Variants in SPATA17 observed in about 807,000 individuals in gnomAD.
SPATA17 encodes the protein spermatogenesis-associated protein 17.
SPATA17 carries 53 observed loss-of-function variants against 62.2 expected under a neutral mutation model. The ratio of observed to expected loss-of-function variants is 0.85; its 90% CI spans 0.68 to 1.07. SPATA17 has a LOEUF of 1.07. SPATA17 is among the 50% of genes least tolerant of loss of function. The pLI, the probability that SPATA17 is intolerant of heterozygous loss-of-function variation, is 0.00. For missense variants in SPATA17, 466 were observed against 425.5 expected, an observed-to-expected ratio of 1.10 and a Z score of -0.84; for synonymous variants, 146 against 146.8, an observed-to-expected ratio of 0.99 and a Z score of 0.04.
chr1:217,757,169 T>C (rs1465798741), intron 6 of SPATA17, among the ~76,000 whole-genome samples: 3 of 152,190 alleles, frequency 2.0e-5, no homozygotes, highest in African/African-American at 7.2e-5. Context: ...TTGGCTAAGA[T>C]GGGAAAGACA....
intron 9 of SPATA17, among the ~76,000 whole-genome samples, chr1:217,850,965 C>A (rs1055330313): frequency 6.6e-6 from 1 of 152,036 alleles, no homozygotes; most frequent in Non-Finnish European, 1.5e-5. Flanking sequence ...ATTTAATTTA[C>A]GTCTGAAGAG....
chr1:217,824,105 C>T (rs1674931676), intron 9 of SPATA17, among the ~76,000 whole-genome samples: 1 of 151,884 alleles, frequency 6.6e-6, no homozygotes, highest in Non-Finnish European at 1.5e-5. Flanking sequence ...GAATTTAATC[C>T]ATTTACAGTC....
At chr1:217,818,258 C>T (rs1674771346) in intron 9 of SPATA17, among the ~76,000 whole-genome samples, 1 of 151,908 alleles carries the variant, frequency 6.6e-6, no homozygotes, top group Non-Finnish European at 1.5e-5. Context: ...AGTTACCATC[C>T]TTGGACATCA....
chr1:217,844,555 T>C (rs1675482826), intron 9 of SPATA17, among the ~76,000 whole-genome samples: 1 of 152,118 alleles, frequency 6.6e-6, no homozygotes, highest in Non-Finnish European at 1.5e-5. Context: ...ACATCTTCAA[T>C]CATGATACAG....
intron 6 of SPATA17, among the ~76,000 whole-genome samples, chr1:217,768,156 A>C (rs1673349003): frequency 6.6e-6 from 1 of 152,110 alleles, no homozygotes; most frequent in Admixed American, 6.5e-5. Flanking sequence ...GAGGCAGGGT[A>C]ATCACTTGAA....
chr1:217,768,388 A>C (rs1480405300), intron 6 of SPATA17, among the ~76,000 whole-genome samples: 1 of 152,084 alleles, frequency 6.6e-6, no homozygotes, highest in Non-Finnish European at 1.5e-5. Context: ...GGCCAACTTC[A>C]TGTTTCTTTA....
intron 9 of SPATA17, among the ~76,000 whole-genome samples, chr1:217,848,926 G>T (rs569221559): frequency 6.6e-6 from 1 of 152,038 alleles, no homozygotes; most frequent in African/African-American, 2.4e-5. Flanking sequence ...TTGGTATTAA[G>T]TTCCAGTTTT....
chr1:217,646,362 T>C (rs1399195159), intron 1 of SPATA17, among the ~76,000 whole-genome samples: 1 of 152,206 alleles, frequency 6.6e-6, no homozygotes, highest in African/African-American at 2.4e-5. Flanking sequence ...ACACTTGGTA[T>C]AGTCTGAAAT....
At position 217,650,048 on chromosome 1, in the gene SPATA17, T is replaced by C. The variant is rs569832386; in HGVS notation, c.159-1049T>C. Among the ~76,000 whole-genome samples, 43 of 150,854 alleles carry C rather than the reference T, an allele frequency of 2.9e-4. 1 individual carries two copies. Among genetic ancestry groups the C allele is most frequent in the African/African-American group, 8.7e-4 (36 of 41,178 alleles). On this transcript the variant is annotated intron_variant, in intron 2 of 10. Transcript: ENST00000366933. Reference sequence around the variant, plus strand: ...TCCGCCTCCCAGATTCAAGCGATTCTCCTGCCTCAGCCTCTCGGGTAGCTG... The same window carrying C: ...TCCGCCTCCCAGATTCAAGCGATTCCCCTGCCTCAGCCTCTCGGGTAGCTG...
chr1:217,675,017 C>T (rs111526501), intron 4 of SPATA17, among the ~76,000 whole-genome samples: 13 of 152,276 alleles, frequency 8.5e-5, no homozygotes, highest in African/African-American at 2.9e-4. Flanking sequence ...CTCTGGGTCA[C>T]GGATTTTATC....
intron 5 of SPATA17, among the ~76,000 whole-genome samples, chr1:217,704,743 T>C (rs920759784): frequency 3.3e-5 from 5 of 152,188 alleles, no homozygotes; most frequent in Admixed American, 6.5e-5. Flanking sequence ...ATTTTTTTTT[T>C]AAATGTGTGG....
intron 6 of SPATA17, among the ~76,000 whole-genome samples, chr1:217,769,702 T>A (rs915509722): frequency 2.0e-5 from 3 of 152,214 alleles, no homozygotes; most frequent in South Asian, 4.1e-4. Context: ...AATAGTTTTT[T>A]AAAATATTTC....
chr1:217,825,601 A>G (rs936992334), intron 9 of SPATA17, among the ~76,000 whole-genome samples: 1 of 151,998 alleles, frequency 6.6e-6, no homozygotes, highest in African/African-American at 2.4e-5. Context: ...TATATAACAT[A>G]TACATATATG....
intron 9 of SPATA17, among the ~76,000 whole-genome samples, chr1:217,845,120 A>C (rs535589299): frequency 1.3e-5 from 2 of 151,710 alleles, no homozygotes; most frequent in East Asian, 1.9e-4. Flanking sequence ...CTCTGTTTTC[A>C]TAAGTTGGTT....
intron 6 of SPATA17, 56 bp from the exon 7 acceptor site, chr1:217,774,277 TC>T: frequency 6.9e-7 from 1 of 1,455,346 alleles, no homozygotes; most frequent in Non-Finnish European, 9.5e-7. Flanking sequence ...TACAACTCTT[TC>T]CTTTATTTCA....
intron 6 of SPATA17, among the ~76,000 whole-genome samples, chr1:217,759,240 C>A (rs1361981132): frequency 6.6e-6 from 1 of 152,114 alleles, no homozygotes; most frequent in African/African-American, 2.4e-5. Context: ...GGGTGGATCA[C>A]CCAAGGTCAG....
In SPATA17 at chr1:217,727,287, A is replaced by G. The variant is rs563070133; in HGVS notation, c.396-14688A>G. Among the ~76,000 whole-genome samples, 27 of 146,744 alleles carry G rather than the reference A, an allele frequency of 1.8e-4. No individual in the cohort carries two copies. In the South Asian group the frequency reaches 6.0e-3, roughly 33 times the overall value. On this transcript the variant is annotated intron_variant, in intron 5 of 10. Coordinates refer to ENST00000366933, the MANE Select transcript of SPATA17 (RefSeq NM_138796.4). Reference sequence around the variant, plus strand: ...TAATAATAATAATAATAATAATAATAACAACAAAAAACTGTTATTCTTATA... The same window carrying G: ...TAATAATAATAATAATAATAATAATGACAACAAAAAACTGTTATTCTTATA...
At chr1:217,634,355 C>T (rs1402541870) in intron 1 of SPATA17, among the ~76,000 whole-genome samples, 1 of 152,084 alleles carries the variant, frequency 6.6e-6, no homozygotes, top group Non-Finnish European at 1.5e-5. Context: ...AGTGTGAGGC[C>T]AGTGAGTCAG....
At chr1:217,786,947 T>C (rs1411388626) in intron 8 of SPATA17, among the ~76,000 whole-genome samples, 1 of 151,988 alleles carries the variant, frequency 6.6e-6, no homozygotes, top group African/African-American at 2.4e-5. Flanking sequence ...GCCATCTTTG[T>C]TTGTATCTCC....
Sources: gnomAD v4.1 joint callset for allele counts (sites outside exome capture counted in the v4.1 genomes callset) on GRCh38, gnomAD v4.1.1 for gene constraint, MANE v1.5 for transcripts, NCBI Gene and HGNC (gene_info 2026-07-23, HGNC 2026-07-21) for gene names.